The following CHCHD6 variants were observed in gnomAD, a reference collection of about 807,000 sequenced individuals.
CHCHD6 encodes coiled-coil-helix-coiled-coil-helix domain containing 6, also known as MICOS complex subunit MIC25.
In CHCHD6, 28 loss-of-function variants were observed where a neutral mutation model predicts 32.3. The ratio of observed to expected loss-of-function variants is 0.87; its 90% CI spans 0.64 to 1.19. The LOEUF (loss-of-function observed/expected upper bound fraction) is 1.19. CHCHD6 is among the 50% of genes most tolerant of loss of function. CHCHD6 has a pLI of 0.00. For synonymous variants in CHCHD6, 122 were observed against 117.5 expected (o/e 1.04, Z -0.25); for missense variants, 333 against 307.0 (o/e 1.08, Z -0.63).
At chr3:126,775,604 A>T (rs1418136003) in intron 4 of CHCHD6, among the ~76,000 whole-genome samples, 1 of 152,210 alleles carries the variant, frequency 6.6e-6, no homozygotes. Context: ...TAGCAACCGC[A>T]AGCAGCAGCT....
At chr3:126,788,816 T>G (rs1174398752) in intron 4 of CHCHD6, among the ~76,000 whole-genome samples, 1 of 152,182 alleles carries the variant, frequency 6.6e-6, no homozygotes, top group African/African-American at 2.4e-5. Flanking sequence ...TGTGTCTCTA[T>G]CTCCTTCAGT....
intron 3 of CHCHD6, 149 bp downstream of exon 3, chr3:126,730,779 G>C (rs1475737388): frequency 1.7e-6 from 1 of 604,022 alleles, no homozygotes; most frequent in Non-Finnish European, 2.9e-6. Flanking sequence ...CTATGGTATA[G>C]GTATCACTGG....
At chr3:126,726,140 GT>G (rs1935524001) in intron 1 of CHCHD6, among the ~76,000 whole-genome samples, 1 of 152,186 alleles carries the variant, frequency 6.6e-6, no homozygotes, top group Non-Finnish European at 1.5e-5. Context: ...ATCATTTGTA[GT>G]TTTTAATTTA....
At chr3:126,949,559 CGTGG>C (rs1260059983) in intron 6 of CHCHD6, 8 of 175,230 alleles carry the variant, frequency 4.6e-5, no homozygotes, top group East Asian at 4.7e-4. Flanking sequence ...GGACTGCCGC[CGTGG>C]ACGGAAGGGA....
intron 6 of CHCHD6, among the ~76,000 whole-genome samples, chr3:126,940,934 G>A (rs2078550711): frequency 6.6e-6 from 1 of 152,004 alleles, no homozygotes; most frequent in Non-Finnish European, 1.5e-5. Context: ...GTGTGATGGT[G>A]TTATTAATCT....
intron 4 of CHCHD6, among the ~76,000 whole-genome samples, chr3:126,837,642 AATT>A (rs1457894354): frequency 6.6e-6 from 1 of 152,224 alleles, no homozygotes; most frequent in Non-Finnish European, 1.5e-5. Flanking sequence ...ACACTTAAGG[AATT>A]ATTTACTGAC....
At chr3:126,820,569 C>T (rs1382076907) in intron 4 of CHCHD6, among the ~76,000 whole-genome samples, 7 of 152,084 alleles carry the variant, frequency 4.6e-5, no homozygotes, top group African/African-American at 7.3e-5. Context: ...TTTCCATTGC[C>T]GTATAGTATT....
intron 6 of CHCHD6, chr3:126,935,109 G>A (rs1468745847): frequency 4.1e-6 from 4 of 987,362 alleles, no homozygotes; most frequent in Non-Finnish European, 3.6e-6. Flanking sequence ...TTACTTGTGA[G>A]CACGAATCAC....
rs1326624328 is a variant in CHCHD6 at position 126,704,391 on chromosome 3, G to T, written c.79G>T (p.Gly27Cys). The change falls in exon 1 of 8, where the codon GGT becomes TGT. Residue 27 changes from glycine (G) to cysteine (C), a missense_variant. Physicochemically the swap from Gly to Cys is radical, Grantham distance 159. Coordinates refer to ENST00000290913, the MANE Select transcript of CHCHD6 (RefSeq NM_032343.3). The stretch of plus-strand genomic sequence containing the variant: ...GGAGGAGCGGGTCCGGGTGCTGCAG[G>T]GTGTCCGGGTGAGCGGCGCCGCCTG... ...DEEERVRVLQ[G>C]VRLSENVVNR... is the part of the protein sequence containing the mutation. 3 of 1,542,090 alleles carry T rather than the reference G, an allele frequency of 1.9e-6. No homozygotes were observed. In the African/African-American group the frequency reaches 4.2e-5, roughly 22 times the overall value.
At chr3:126,791,684 A>G (rs1189107864) in intron 4 of CHCHD6, among the ~76,000 whole-genome samples, 1 of 152,220 alleles carries the variant, frequency 6.6e-6, no homozygotes, top group Admixed American at 6.5e-5. Context: ...ATCTTGGCTC[A>G]CTGCAGCCTC....
At position 126,930,941 on chromosome 3, in the gene CHCHD6, G is replaced by A. The variant is rs188943048; in HGVS notation, c.566+16191G>A. 6.2e-3 allele frequency among the ~76,000 whole-genome samples: 939 copies of A among 152,294 alleles called. 9 individuals are homozygous for A. The highest frequency in any genetic ancestry group is 0.021 in the African/African-American group (893 of 41,562). ...CAGCTCAGGGCTGGCTCTTGGGAGCGCCCATCTCTTCCTATCTGCCAAAGG... is the reference window on the plus strand; with the variant it reads ...CAGCTCAGGGCTGGCTCTTGGGAGCACCCATCTCTTCCTATCTGCCAAAGG... On this transcript the variant is annotated intron_variant, in intron 6 of 7. Transcript: ENST00000290913.
At chr3:126,721,348 C>G (rs753167429) in intron 1 of CHCHD6, among the ~76,000 whole-genome samples, 1 of 152,210 alleles carries the variant, frequency 6.6e-6, no homozygotes, top group Non-Finnish European at 1.5e-5. Context: ...GCCTCTTCCC[C>G]GGTGCCCTGC....
intron 4 of CHCHD6, among the ~76,000 whole-genome samples, chr3:126,782,430 A>G (rs1459811971): frequency 6.6e-6 from 1 of 152,218 alleles, no homozygotes; most frequent in Non-Finnish European, 1.5e-5. Flanking sequence ...CCGATGTCAT[A>G]CGCTTTAGAG....
intron 4 of CHCHD6, among the ~76,000 whole-genome samples, chr3:126,801,837 A>G (rs908789078): frequency 2.6e-5 from 4 of 152,188 alleles, no homozygotes; most frequent in Non-Finnish European, 5.9e-5. Context: ...CTGACACCTC[A>G]CACAGCCGGG....
intron 6 of CHCHD6, among the ~76,000 whole-genome samples, chr3:126,938,025 A>T (rs1329825848): frequency 6.6e-6 from 1 of 152,232 alleles, no homozygotes; most frequent in Non-Finnish European, 1.5e-5. Context: ...GCTACAAATT[A>T]TCTTGCTGTG....
At chr3:126,802,280 A>C (rs1356569024) in intron 4 of CHCHD6, among the ~76,000 whole-genome samples, 2 of 152,240 alleles carry the variant, frequency 1.3e-5, no homozygotes, top group East Asian at 1.9e-4. Context: ...TACAGGAGGA[A>C]ATTCAAACCA....
At chr3:126,852,071 C>T (rs905535003) in intron 4 of CHCHD6, among the ~76,000 whole-genome samples, 1 of 152,214 alleles carries the variant, frequency 6.6e-6, no homozygotes, top group African/African-American at 2.4e-5. Flanking sequence ...CTCCAGCTGA[C>T]TCTGTGCGTG....
intron 4 of CHCHD6, among the ~76,000 whole-genome samples, chr3:126,821,967 G>T (rs1940174362): frequency 6.6e-6 from 1 of 152,100 alleles, no homozygotes; most frequent in Admixed American, 6.5e-5. Context: ...CTGGATACAA[G>T]TTCCTTATTA....
intron 4 of CHCHD6, among the ~76,000 whole-genome samples, chr3:126,737,432 A>G (rs1936099713): frequency 6.7e-6 from 1 of 148,814 alleles, no homozygotes; most frequent in Admixed American, 6.7e-5. Context: ...ACACAAATGC[A>G]CACACACATA....
Sources: gnomAD v4.1 joint callset for allele counts (sites outside exome capture counted in the v4.1 genomes callset) on GRCh38, gnomAD v4.1.1 for gene constraint, MANE v1.5 for transcripts, NCBI Gene and HGNC (gene_info 2026-07-23, HGNC 2026-07-21) for gene names.